Variants in PCBP3 observed in about 807,000 individuals in gnomAD.
PCBP3 encodes the protein poly(rC)-binding protein 3.
In PCBP3, 25 loss-of-function variants were observed where a neutral mutation model predicts 52.7. The observed-to-expected ratio is 0.47, with a 90% CI of 0.35 to 0.66. PCBP3 has a LOEUF of 0.66. PCBP3 is among the 30% of genes least tolerant of loss of function. PCBP3 has a pLI of 0.01. For missense variants in PCBP3, 391 were observed against 490.3 expected, an observed-to-expected ratio of 0.80 and a Z score of 1.91; for synonymous variants, 162 against 183.0, an observed-to-expected ratio of 0.89 and a Z score of 0.93.
rs201946209 is a variant in PCBP3 at position 45,940,019 on chromosome 21, C to T, written c.910-11C>T. ...CTGTTCTCTAAGAAATCCCCCCGTC[C>T]TTGTTTCTAGCTAATAGGCTGCATA... On this transcript the variant is annotated splice_polypyrimidine_tract_variant and intron_variant, in intron 16 of 17. Transcript: ENST00000681687. 1.2e-6 allele frequency: 2 copies of T among 1,611,010 alleles called. No homozygotes were observed. The highest frequency in any genetic ancestry group is 1.1e-5 in the South Asian group (1 of 90,942).
rs190462438 is a variant in PCBP3 at position 45,788,980 on chromosome 21, A to C, written c.-126+33528A>C. Among the ~76,000 whole-genome samples, 87 of 152,350 alleles carry C rather than the reference A, an allele frequency of 5.7e-4. No homozygotes were observed. The highest frequency in any genetic ancestry group is 6.8e-3 in the Middle Eastern group (2 of 294). ...ATTGCTGTCCAGATCCAACAGACTT[A>C]TTCAGCCAACAGTAACCAAATACAT... On this transcript the variant is annotated intron_variant, in intron 4 of 17. Coordinates refer to ENST00000681687, the MANE Select transcript of PCBP3 (RefSeq NM_001384156.1). This position sits in a 1 kb window ranked among gnomAD's most constrained non-coding sequence, Gnocchi z 4.3.
Position 45,735,265 on chromosome 21 carries a change from G to A in PCBP3, c.-199-127G>A, listed in dbSNP as rs565784416. 6 of 152,264 alleles carry A rather than the reference G, an allele frequency of 3.9e-5. No individual in the cohort carries two copies. The East Asian group carries it at 1.2e-3, about 29-fold the overall frequency. The allele number at this position is 152,264 out of a possible 1,614,324, so 9.4% of individuals were successfully genotyped here. A position where few individuals can be genotyped will look rare whatever the true frequency, so the allele number is the denominator to read the frequency against. On this transcript the variant is annotated intron_variant, in intron 2 of 17. Coordinates refer to ENST00000681687, the MANE Select transcript of PCBP3 (RefSeq NM_001384156.1). This position sits in a 1 kb window ranked among gnomAD's most constrained non-coding sequence, Gnocchi z 4.0. ...TTCCCAATAACTGATTTATAAACATGTCTTTTTAATAGATGACTTTGGTTT... is the reference window on the plus strand; with the variant it reads ...TTCCCAATAACTGATTTATAAACATATCTTTTTAATAGATGACTTTGGTTT...
At chr21:45,913,359 G>C (rs1428795488) in intron 11 of PCBP3, among the ~76,000 whole-genome samples, 2 of 149,382 alleles carry the variant, frequency 1.3e-5, no homozygotes, top group Non-Finnish European at 3.0e-5. Flanking sequence ...TCTGCTGACT[G>C]TCACCACGGG....
At chr21:45,793,678 A>G (rs1011222564) in intron 4 of PCBP3, among the ~76,000 whole-genome samples, 2 of 152,186 alleles carry the variant, frequency 1.3e-5, no homozygotes, top group African/African-American at 4.8e-5. Context: ...GCTCTGCAGG[A>G]GGAGACGGGA....
At chr21:45,651,448 A>C (rs2079678820) in intron 1 of PCBP3, among the ~76,000 whole-genome samples, 1 of 152,150 alleles carries the variant, frequency 6.6e-6, no homozygotes, top group Non-Finnish European at 1.5e-5. Flanking sequence ...GTTTTTTCCT[A>C]CTTGTATTTA....
At position 45,717,000 on chromosome 21, in the gene PCBP3, A is replaced by G. The variant is rs189390529; in HGVS notation, c.-199-18392A>G. Among the ~76,000 whole-genome samples the G allele has an allele frequency of 2.1e-4, 32 of 152,100 alleles. No homozygotes were observed. In the East Asian group the frequency reaches 3.5e-3, roughly 17 times the overall value. On this transcript the variant is annotated intron_variant, in intron 2 of 17. Coordinates refer to ENST00000681687, the MANE Select transcript of PCBP3 (RefSeq NM_001384156.1). Reference sequence around the variant, plus strand: ...TACATTGAACATAGGATGTTTTTCTATTTATTTAGGTTTTGTTTAATTCCT... The same window carrying G: ...TACATTGAACATAGGATGTTTTTCTGTTTATTTAGGTTTTGTTTAATTCCT...
chr21:45,753,476 G>A (rs1417466030), intron 3 of PCBP3, among the ~76,000 whole-genome samples: 1 of 151,744 alleles, frequency 6.6e-6, no homozygotes, highest in Non-Finnish European at 1.5e-5. Context: ...GGGATGTAAT[G>A]GATTTTTGTT....
At chr21:45,920,094 G>A (rs1049818802) in intron 13 of PCBP3, among the ~76,000 whole-genome samples, 1 of 152,196 alleles carries the variant, frequency 6.6e-6, no homozygotes, top group African/African-American at 2.4e-5. Flanking sequence ...CAAAGGAAAG[G>A]CAGTGTGCGG....
intron 9 of PCBP3, among the ~76,000 whole-genome samples, chr21:45,908,437 T>A (rs1188611291): frequency 6.6e-6 from 1 of 152,248 alleles, no homozygotes; most frequent in African/African-American, 2.4e-5. Flanking sequence ...ATTTCCTTGC[T>A]AGTCTATAGC....
At chr21:45,808,157 CCAAAAG>C (rs2092570106) in intron 4 of PCBP3, among the ~76,000 whole-genome samples, 1 of 152,104 alleles carries the variant, frequency 6.6e-6, no homozygotes, top group Non-Finnish European at 1.5e-5. Context: ...ATGACTAAAA[CCAAAAG>C]CAATGGCAAC....
Position 45,880,692 on chromosome 21 carries a change from G to C in PCBP3, c.11-15516G>C, listed in dbSNP as rs2095380499. ...CCTCTCGGTGCCAGGGTGGCCCCAG[G>C]TGACTGCAGCAGGGCCAGGAGAGAC... On this transcript the variant is annotated intron_variant, in intron 5 of 17. Transcript: ENST00000681687. The surrounding 1 kb of genome is among the most constrained non-coding windows in gnomAD (Gnocchi z 5.4). Among the ~76,000 whole-genome samples the C allele has an allele frequency of 6.6e-6, 1 of 152,172 alleles. No individual in the cohort carries two copies. Among genetic ancestry groups the C allele is most frequent in the Non-Finnish European group, 1.5e-5 (1 of 68,036 alleles).
rs1214487030 is a variant in PCBP3 at position 45,940,094 on chromosome 21, C to T, written c.974C>T (p.Ala325Val). The change falls in exon 17 of 18, where the codon GCT becomes GTT. Residue 325 changes from alanine (A) to valine (V), a missense_variant. Physicochemically the swap from Ala to Val is moderately conservative, Grantham distance 64. Coordinates refer to ENST00000681687, the MANE Select transcript of PCBP3 (RefSeq NM_001384156.1). ...KINEIRQMSG[A>V]QIKIANATEG... ...AATGAAATTCGACAGATGTCTGGAG[C>T]TCAGATCAAAATCGCCAACGCCACG... is the stretch of plus-strand genomic sequence containing the variant. 6.2e-7 allele frequency: 1 copy of T among 1,614,028 alleles called. No individual in the cohort carries two copies. The highest frequency in any genetic ancestry group is 8.5e-7 in the Non-Finnish European group (1 of 1,179,976).
rs2093121649 is a variant in PCBP3 at position 45,821,091 on chromosome 21, A to C, written c.-125-28870A>C. ...GAGCCTGGCGTTGTGACCTGGGCTA[A>C]CTTGGTACCTTTTCTCTTTTTAGAG... is the stretch of plus-strand genomic sequence containing the variant. On this transcript the variant is annotated intron_variant, in intron 4 of 17. Transcript: ENST00000681687. This position sits in a 1 kb window ranked among gnomAD's most constrained non-coding sequence, Gnocchi z 4.4. Among the ~76,000 whole-genome samples, 1 of 152,196 alleles carries C rather than the reference A, an allele frequency of 6.6e-6. No individual in the cohort carries two copies. Among genetic ancestry groups the C allele is most frequent in the South Asian group, 2.1e-4 (1 of 4,828 alleles).
intron 2 of PCBP3, among the ~76,000 whole-genome samples, chr21:45,684,891 T>A (rs997975281): frequency 6.6e-6 from 1 of 152,230 alleles, no homozygotes; most frequent in African/African-American, 2.4e-5. Context: ...TCTTAGTGTT[T>A]ATAGTGATTT....
chr21:45,753,954 T>C (rs565478476), intron 3 of PCBP3, among the ~76,000 whole-genome samples: 10 of 152,332 alleles, frequency 6.6e-5, no homozygotes, highest in African/African-American at 2.4e-4. Context: ...TTGTTTCCAC[T>C]TTTACCACAG....
At chr21:45,671,647 G>A (rs1025862950) in intron 2 of PCBP3, among the ~76,000 whole-genome samples, 2 of 152,138 alleles carry the variant, frequency 1.3e-5, no homozygotes, top group African/African-American at 2.4e-5. Context: ...ACAGGATTTG[G>A]GCTTTGGTTA....
At chr21:45,801,279 T>C (rs911837967) in intron 4 of PCBP3, among the ~76,000 whole-genome samples, 1 of 152,210 alleles carries the variant, frequency 6.6e-6, no homozygotes, top group African/African-American at 2.4e-5. Context: ...TAGCTGCTCC[T>C]CTGTCCCCAC....
At chr21:45,914,113 T>C (rs1331268526) in intron 12 of PCBP3, 88 bp downstream of exon 12, 1 of 1,600,156 alleles carries the variant, frequency 6.2e-7, no homozygotes, top group East Asian at 2.3e-5. Context: ...ACTCAGGTTT[T>C]CTCGCCTTCT....
At chr21:45,708,137 C>T (rs1445687662) in intron 2 of PCBP3, among the ~76,000 whole-genome samples, 5 of 152,102 alleles carry the variant, frequency 3.3e-5, no homozygotes, top group Non-Finnish European at 5.9e-5. Context: ...TTCCACATGC[C>T]GAAATTGGGA....
Sources: gnomAD v4.1 joint callset for allele counts (sites outside exome capture counted in the v4.1 genomes callset) on GRCh38, gnomAD v4.1.1 for gene constraint, Gnocchi (gnomAD v3.1) non-coding constraint, MANE v1.5 for transcripts, NCBI Gene and HGNC (gene_info 2026-07-23, HGNC 2026-07-21) for gene names.